Variants in UNC5D observed in about 807,000 individuals in gnomAD.
The protein encoded by UNC5D is netrin receptor UNC5D.
A neutral mutation model predicts 105.4 loss-of-function variants in UNC5D; 39 were observed. That is an observed-to-expected ratio of 0.37 (90% CI 0.29 to 0.48). The LOEUF (loss-of-function observed/expected upper bound fraction) is 0.48. Among genes scored for constraint, UNC5D ranks in the 20% least tolerant of loss-of-function variants. UNC5D has a pLI of 0.98. For missense variants in UNC5D, 991 were observed against 1,202.4 expected (o/e 0.82, Z 2.60); for synonymous variants, 452 against 450.4 (o/e 1.00, Z -0.04).
At chr8:35,683,236 G>T (rs1039749662) in intron 4 of UNC5D, among the ~76,000 whole-genome samples, 1 of 152,274 alleles carries the variant, frequency 6.6e-6, no homozygotes, top group African/African-American at 2.4e-5. Context: ...ACGTTGTAAT[G>T]AAATGAAATG....
chr8:35,389,136 T>C (rs1348834011), intron 1 of UNC5D, among the ~76,000 whole-genome samples: 1 of 152,336 alleles, frequency 6.6e-6, no homozygotes, highest in South Asian at 2.1e-4. Flanking sequence ...ACTACATGTG[T>C]ATCACAACCA....
chr8:35,604,759 C>G lies in UNC5D; in HGVS notation c.570+9102C>G, dbSNP rs1167463883. On this transcript the variant is annotated intron_variant, in intron 4 of 16. Coordinates refer to ENST00000404895, the MANE Select transcript of UNC5D (RefSeq NM_080872.4). ...TGTTCGTTTCTTTTTATTCTTTTTT[C>G]TCTAAACTTCTCTTCATGATTCATT... Among the ~76,000 whole-genome samples the G allele has an allele frequency of 5.9e-5, 9 of 152,206 alleles. No individual in the cohort carries two copies. In the East Asian group the frequency reaches 1.7e-3, roughly 29 times the overall value.
chr8:35,750,207 C>T (rs1472434136), intron 12 of UNC5D, among the ~76,000 whole-genome samples: 3 of 151,896 alleles, frequency 2.0e-5, no homozygotes, highest in South Asian at 2.1e-4. Context: ...GATGGATCTC[C>T]GCCTACTGCA....
At chr8:35,731,129 T>C (rs777184598) in intron 11 of UNC5D, 33 bp downstream of exon 11, 6 of 1,603,860 alleles carry the variant, frequency 3.7e-6, no homozygotes, top group Non-Finnish European at 5.1e-6. Flanking sequence ...TTAAAGAAAG[T>C]GGCTCACGCC....
At chr8:35,688,434 G>C (rs564345053) in intron 7 of UNC5D, among the ~76,000 whole-genome samples, 1 of 152,254 alleles carries the variant, frequency 6.6e-6, no homozygotes, top group Admixed American at 6.5e-5. Context: ...ATTCTGTATG[G>C]TTCATACATT....
At chr8:35,703,790 T>A (rs1348058623) in intron 7 of UNC5D, among the ~76,000 whole-genome samples, 1 of 152,252 alleles carries the variant, frequency 6.6e-6, no homozygotes, top group Non-Finnish European at 1.5e-5. Context: ...ATGTTCTACA[T>A]GTCTCCTAGT....
At chr8:35,657,082 A>ATATATG (rs1563637869) in intron 4 of UNC5D, among the ~76,000 whole-genome samples, 1 of 28,326 alleles carries the variant, frequency 3.5e-5, no homozygotes, top group Non-Finnish European at 6.7e-5. Flanking sequence ...GTGTGTGTGT[A>ATATATG]TATATATATA....
At chr8:35,641,366 C>CAAAAAAAAAAAAAAAAAAA (rs377021599) in intron 4 of UNC5D, among the ~76,000 whole-genome samples, 250 of 44,280 alleles carry the variant, frequency 5.6e-3, no homozygotes, top group East Asian at 6.8e-3. Context: ...AAAAATAAAG[C>CAAAAAAAAAAAAAAAAAAA]AAAAAAAAAA....
intron 1 of UNC5D, among the ~76,000 whole-genome samples, chr8:35,339,490 G>A (rs1811299746): frequency 6.6e-6 from 1 of 152,198 alleles, no homozygotes; most frequent in Non-Finnish European, 1.5e-5. Context: ...ATTTAGGATT[G>A]GAAGGAAGGC....
intron 1 of UNC5D, among the ~76,000 whole-genome samples, chr8:35,270,910 A>G (rs1322422879): frequency 1.8e-5 from 2 of 111,116 alleles, no homozygotes; most frequent in Non-Finnish European, 1.9e-5. Context: ...TTTAACATTG[A>G]AATGTGCCCC....
chr8:35,611,355 T>C (rs531658417), intron 4 of UNC5D, among the ~76,000 whole-genome samples: 1 of 152,298 alleles, frequency 6.6e-6, no homozygotes, highest in South Asian at 2.1e-4. Context: ...GCCCCATCTC[T>C]TGTAATCTGT....
chr8:35,296,064 C>A (rs769723194), intron 1 of UNC5D, among the ~76,000 whole-genome samples: 1 of 152,200 alleles, frequency 6.6e-6, no homozygotes, highest in Non-Finnish European at 1.5e-5. Flanking sequence ...TTAATCCATT[C>A]ATCAGTTGAT....
intron 1 of UNC5D, among the ~76,000 whole-genome samples, chr8:35,324,050 C>T (rs955593955): frequency 2.6e-5 from 4 of 151,668 alleles, no homozygotes; most frequent in Non-Finnish European, 4.4e-5. Flanking sequence ...GACAACATAG[C>T]GAGACCCCAT....
intron 4 of UNC5D, among the ~76,000 whole-genome samples, chr8:35,629,850 C>T (rs908338320): frequency 2.6e-5 from 4 of 152,098 alleles, no homozygotes; most frequent in African/African-American, 7.2e-5. Flanking sequence ...CACCCCAGGT[C>T]GTAAAAGTAT....
In UNC5D at chr8:35,549,952, C is replaced by CTTTTT. The variant is rs5890821; in HGVS notation, c.322+456_322+460dup. ...CTCCACATTTGGTGGTTTCTGAGTC[C>CTTTTT]TTTTTTTTTTTTTTTTTTGACTATG... On this transcript the variant is annotated intron_variant, in intron 2 of 16. Transcript: ENST00000404895. 1.2e-3 allele frequency among the ~76,000 whole-genome samples: 150 copies of CTTTTT among 125,564 alleles called. 3 individuals are homozygous for CTTTTT. The highest frequency in any genetic ancestry group is 4.1e-3 in the African/African-American group (136 of 33,300). 82.4% of individuals were successfully genotyped at this position (125,564 alleles called of 152,430 possible).
At chr8:35,390,489 G>GA (rs71541898) in intron 1 of UNC5D, among the ~76,000 whole-genome samples, 30 of 149,336 alleles carry the variant, frequency 2.0e-4, no homozygotes, top group East Asian at 1.6e-3. Context: ...TACAATAGCA[G>GA]AAAAAAAAAA....
chr8:35,759,260 A>C, intron 13 of UNC5D, 60 bp from the exon 14 acceptor site: 1 of 1,590,192 alleles, frequency 6.3e-7, no homozygotes, highest in Non-Finnish European at 8.6e-7. Context: ...CCTAGATAGG[A>C]AATATGTAAG....
chr8:35,345,866 G>A (rs1056011053), intron 1 of UNC5D, among the ~76,000 whole-genome samples: 1 of 151,972 alleles, frequency 6.6e-6, no homozygotes, highest in African/African-American at 2.4e-5. Flanking sequence ...GTAAAGCAGA[G>A]TCATCTCTTT....
At chr8:35,314,721 C>A (rs1809156413) in intron 1 of UNC5D, among the ~76,000 whole-genome samples, 1 of 152,158 alleles carries the variant, frequency 6.6e-6, no homozygotes, top group Admixed American at 6.6e-5. Flanking sequence ...TTGACTACAG[C>A]ACTGTAATAA....
Sources: allele counts gnomAD v4.1 joint callset (sites outside exome capture counted in the v4.1 genomes callset), GRCh38; gene constraint gnomAD v4.1.1; transcripts MANE v1.5; gene names NCBI Gene and HGNC (gene_info 2026-07-23, HGNC 2026-07-21).